MFSD11: variants seen among roughly 807,000 people sequenced by gnomAD.
The protein encoded by MFSD11 is major facilitator superfamily domain containing 11.
A neutral mutation model predicts 53.5 loss-of-function variants in MFSD11; 36 were observed. The observed-to-expected ratio is 0.67, with a 90% confidence interval of 0.52 to 0.89. MFSD11 has a LOEUF of 0.89. Ranked by LOEUF, MFSD11 falls within the 40% of genes least tolerant of loss-of-function variation. The pLI is 0.00. For synonymous variants in MFSD11, 186 were observed against 184.9 expected, an observed-to-expected ratio of 1.01 and a Z score of -0.05; for missense variants, 530 against 543.9, an observed-to-expected ratio of 0.97 and a Z score of 0.25.
At chr17:76,737,978 T>G, upstream of MFSD11, 1 of 273,210 alleles carries the variant, frequency 3.7e-6, no homozygotes, top group Non-Finnish European at 6.8e-6. Flanking sequence ...TGCGGTCAGG[T>G]GACCCGGTCG....
intron 10 of MFSD11, among the ~76,000 whole-genome samples, chr17:76,774,655 T>C (rs979865495): frequency 1.3e-5 from 2 of 152,214 alleles, no homozygotes; most frequent in Non-Finnish European, 2.9e-5. Context: ...TTGGCTATGA[T>C]TGCAACAAAA....
rs148794756 is a variant in MFSD11 at position 76,743,401 on chromosome 17, G to A, written c.441G>A (p.Leu147=). ...GIFWALLQSS[L]FFGNLYIYFA... is the part of the protein sequence containing the mutation. The stretch of plus-strand genomic sequence containing the variant: ...ATCCTCCCTTTTCTTCCCCCAGCTT[G>A]TTCTTTGGAAATCTCTACATATATT... The change falls in exon 6 of 13, where the codon TTG becomes TTA. Residue 147 remains leucine, a synonymous_variant. Coordinates refer to ENST00000685175, the MANE Select transcript of MFSD11 (RefSeq NM_001242532.5). The A allele has an allele frequency of 6.3e-7, 1 of 1,579,868 alleles. No homozygotes were observed. The highest frequency in any genetic ancestry group is 8.6e-7 in the Non-Finnish European group (1 of 1,164,790).
chr17:76,788,987 T>C, the MFSD11 span, among the ~76,000 whole-genome samples: 10 of 148,212 alleles, frequency 6.7e-5, 1 homozygote, highest in African/African-American at 2.5e-4. Flanking sequence ...ACTAAAAATA[T>C]AAAAATTAGC....
rs1568036070 is a variant in MFSD11 at position 76,738,927 on chromosome 17, C to T, written c.97-11C>T. On this transcript the variant is annotated splice_polypyrimidine_tract_variant and intron_variant, in intron 1 of 12. Coordinates refer to ENST00000685175, the MANE Select transcript of MFSD11 (RefSeq NM_001242532.5). ...AAACATTTTCGTTGATTAGTTTTAT[C>T]TTCCACACAGCAAACTGTCATCAGG... 1 of 1,613,336 alleles carries T rather than the reference C, an allele frequency of 6.2e-7. No individual in the cohort carries two copies. Among genetic ancestry groups the T allele is most frequent in the South Asian group, 1.1e-5 (1 of 91,066 alleles).
intron 7 of MFSD11, among the ~76,000 whole-genome samples, chr17:76,750,287 G>A (rs149939733): frequency 1.3e-5 from 2 of 151,954 alleles, no homozygotes; most frequent in Admixed American, 6.6e-5. Flanking sequence ...ATTTGCTTCC[G>A]GGCAAGGCAT....
At chr17:76,760,203 G>T (rs2080080550) in intron 8 of MFSD11, among the ~76,000 whole-genome samples, 1 of 151,486 alleles carries the variant, frequency 6.6e-6, no homozygotes, top group Admixed American at 6.6e-5. Flanking sequence ...TGGGGTGGGG[G>T]TGGTGGCGGG....
intron 7 of MFSD11, among the ~76,000 whole-genome samples, chr17:76,750,200 TAA>T (rs1157189287): frequency 6.6e-6 from 1 of 151,990 alleles, no homozygotes; most frequent in Non-Finnish European, 1.5e-5. Context: ...GCCTGAAGGG[TAA>T]AATATTGGAA....
intron 8 of MFSD11, among the ~76,000 whole-genome samples, chr17:76,760,157 C>G (rs1053497014): frequency 6.6e-6 from 1 of 151,046 alleles, no homozygotes; most frequent in Non-Finnish European, 1.5e-5. Context: ...AATCCCAGCT[C>G]CTCGGGAGGC....
At chr17:76,793,253 C>T in the MFSD11 span, among the ~76,000 whole-genome samples, 1 of 151,388 alleles carries the variant, frequency 6.6e-6, no homozygotes, top group East Asian at 1.9e-4. Flanking sequence ...TTATTTCATC[C>T]CTACAGTTTC....
downstream of MFSD11, among the ~76,000 whole-genome samples, chr17:76,780,728 C>T (rs2082144988): frequency 6.6e-6 from 1 of 152,044 alleles, no homozygotes; most frequent in Non-Finnish European, 1.5e-5. Context: ...GTTGGTCAGG[C>T]TGGTCTCGAA....
At chr17:76,749,958 G>T (rs147442835) in intron 7 of MFSD11, among the ~76,000 whole-genome samples, 14 of 151,966 alleles carry the variant, frequency 9.2e-5, no homozygotes, top group Non-Finnish European at 1.6e-4. Flanking sequence ...GGGAGCTGTT[G>T]CAGTTACAGA....
intron 10 of MFSD11, among the ~76,000 whole-genome samples, chr17:76,772,616 C>G (rs1424343542): frequency 2.7e-5 from 4 of 148,916 alleles, no homozygotes; most frequent in Non-Finnish European, 1.5e-5. Flanking sequence ...TGCTGGGATT[C>G]AAGCAATTCT....
chr17:76,789,622 G>C, the MFSD11 span, among the ~76,000 whole-genome samples: 5 of 149,898 alleles, frequency 3.3e-5, no homozygotes. Context: ...TCATTTTAGC[G>C]ACACAGTTTA....
At chr17:76,796,209 A>G in the MFSD11 span, among the ~76,000 whole-genome samples, 16 of 151,858 alleles carry the variant, frequency 1.1e-4, no homozygotes, top group Non-Finnish European at 1.5e-4. Context: ...CCTTCCTTCT[A>G]TCCAAATCCT....
At chr17:76,737,966 GC>G (rs1301384585), upstream of MFSD11, 3 of 258,322 alleles carry the variant, frequency 1.2e-5, no homozygotes, top group East Asian at 2.0e-4. Flanking sequence ...CGGCGCCGCG[GC>G]TGCGGTCAGG....
intron 7 of MFSD11, 44 bp from the exon 8 acceptor site, chr17:76,754,003 T>C (rs185266788): frequency 6.2e-4 from 941 of 1,525,672 alleles, no homozygotes; most frequent in Non-Finnish European, 7.6e-4. Flanking sequence ...TGTTCTTTTA[T>C]TTTCAAAAAG....
chr17:76,786,389 G>A (rs1389491948), downstream of MFSD11, among the ~76,000 whole-genome samples: 2 of 152,044 alleles, frequency 1.3e-5, no homozygotes, highest in Non-Finnish European at 1.5e-5. Flanking sequence ...TGATCTGCCC[G>A]CCTCGGCCTC....
intron 2 of MFSD11, 55 bp from the exon 3 acceptor site, chr17:76,740,902 T>A: frequency 1.0e-6 from 1 of 1,002,892 alleles, no homozygotes; most frequent in Non-Finnish European, 1.5e-6. Context: ...TGACACAGCA[T>A]ATAAGGGCTT....
intron 7 of MFSD11, chr17:76,753,029 G>T (rs1031780735): frequency 3.4e-5 from 1 of 29,818 alleles, no homozygotes; most frequent in African/African-American, 1.3e-4. Context: ...AAAAAATCTT[G>T]TTCCATAAAA....
Sources: allele counts gnomAD v4.1 joint callset (sites outside exome capture counted in the v4.1 genomes callset), GRCh38; gene constraint gnomAD v4.1.1; transcripts MANE v1.5; gene names NCBI Gene and HGNC (gene_info 2026-07-23, HGNC 2026-07-21).